Variants in TENM2 observed in about 807,000 individuals in gnomAD.
TENM2 encodes teneurin-2.
A neutral mutation model predicts 245.2 loss-of-function variants in TENM2; 52 were observed. The observed-to-expected ratio is 0.21, with a 90% CI of 0.17 to 0.27. TENM2 has a LOEUF of 0.27. TENM2 is among the 10% of genes least tolerant of loss of function. TENM2 has a pLI of 1.00. For missense variants in TENM2, 3,046 were observed against 3,666.8 expected (o/e 0.83, Z 4.37); for synonymous variants, 1,363 against 1,438.9 (o/e 0.95, Z 1.19).
chr5:167,898,362 G>A (rs776501513), intron 3 of TENM2, among the ~76,000 whole-genome samples: 24 of 152,056 alleles, frequency 1.6e-4, no homozygotes, highest in Non-Finnish European at 3.4e-4. Context: ...TCTAATATAT[G>A]CTAACGTCTG....
At chr5:167,485,603 G>A (rs969055753) in intron 2 of TENM2, among the ~76,000 whole-genome samples, 2 of 152,020 alleles carry the variant, frequency 1.3e-5, no homozygotes, top group South Asian at 2.1e-4. Flanking sequence ...ATATACCTTC[G>A]CTACTGAGAG....
At chr5:168,150,504 A>C (rs1480727332) in intron 12 of TENM2, among the ~76,000 whole-genome samples, 1 of 152,228 alleles carries the variant, frequency 6.6e-6, no homozygotes, top group African/African-American at 2.4e-5. Context: ...TCTCAGCTTT[A>C]GAAATCCCAT....
At chr5:168,195,095 G>A (rs1350390820) in intron 14 of TENM2, 81 bp from the exon 17 acceptor site, 7 of 1,505,742 alleles carry the variant, frequency 4.6e-6, no homozygotes, top group African/African-American at 1.4e-5. Flanking sequence ...GACCAGATGA[G>A]GATGAGGGAG....
the TENM2 span, among the ~76,000 whole-genome samples, chr5:167,157,633 C>T: frequency 6.6e-6 from 1 of 152,090 alleles, no homozygotes; most frequent in African/African-American, 2.4e-5. Flanking sequence ...ACACAAAAGG[C>T]CTGTAATTGT....
At chr5:167,335,291 G>A (rs1757691762) in intron 1 of TENM2, among the ~76,000 whole-genome samples, 1 of 152,138 alleles carries the variant, frequency 6.6e-6, no homozygotes, top group African/African-American at 2.4e-5. Flanking sequence ...TCACTGTTGT[G>A]AGGAAAGTAC....
chr5:168,088,487 C>T (rs1351839512), intron 7 of TENM2, among the ~76,000 whole-genome samples: 2 of 152,144 alleles, frequency 1.3e-5, no homozygotes, highest in African/African-American at 4.8e-5. Flanking sequence ...TAAGCAGCGG[C>T]CGTCACCAGC....
intron 6 of TENM2, among the ~76,000 whole-genome samples, chr5:168,053,643 T>A (rs1217250757): frequency 1.3e-5 from 2 of 152,200 alleles, no homozygotes; most frequent in South Asian, 2.1e-4. Context: ...TTATAAGTAA[T>A]CTAGAGATAA....
the TENM2 span, among the ~76,000 whole-genome samples, chr5:167,083,940 A>G: frequency 1.3e-5 from 2 of 152,150 alleles, no homozygotes; most frequent in Non-Finnish European, 2.9e-5. Flanking sequence ...AAGGATGTCA[A>G]GGTAAATATT....
chr5:168,049,022 C>T (rs752399937), intron 6 of TENM2, among the ~76,000 whole-genome samples: 19 of 152,194 alleles, frequency 1.2e-4, no homozygotes, highest in Non-Finnish European at 2.2e-4. Context: ...GAAACCTGGT[C>T]ACCTCCAGTA....
At chr5:167,686,201 T>G (rs1420860476) in intron 2 of TENM2, among the ~76,000 whole-genome samples, 1 of 152,198 alleles carries the variant, frequency 6.6e-6, no homozygotes, top group Non-Finnish European at 1.5e-5. Context: ...TTGAGAAGGA[T>G]AGGCTATTTC....
chr5:167,551,012 A>T (rs945042390), intron 2 of TENM2, among the ~76,000 whole-genome samples: 1 of 152,118 alleles, frequency 6.6e-6, no homozygotes, highest in African/African-American at 2.4e-5. Context: ...TACAGGCGTG[A>T]GCCACCATGC....
At chr5:168,159,623 G>A (rs1224483329) in intron 12 of TENM2, among the ~76,000 whole-genome samples, 1 of 152,208 alleles carries the variant, frequency 6.6e-6, no homozygotes, top group Non-Finnish European at 1.5e-5. Context: ...TTAGCTTGGG[G>A]TTGCCTAGCA....
chr5:167,528,857 C>A (rs962836657), intron 2 of TENM2, among the ~76,000 whole-genome samples: 10 of 152,102 alleles, frequency 6.6e-5, no homozygotes, highest in Non-Finnish European at 1.5e-4. Context: ...AAGACAGTAG[C>A]CCCCTGTTGG....
rs72645742 is a variant in TENM2, at chr5:167,312,664, T to C, written c.226+27601T>C. Among the ~76,000 whole-genome samples, 2,969 of 152,118 alleles carry C rather than the reference T, an allele frequency of 0.02. 207 individuals are homozygous for C. The East Asian group carries it at 0.23, about 12-fold the overall frequency. On this transcript the variant is annotated intron_variant, in intron 1 of 28. Coordinates refer to ENST00000518659, the Ensembl canonical transcript of TENM2. ...GGTCTTATGTGAAAATTAAACTCAGTGTGTTATAACATTTGCTACATAAAC... is the reference window on the plus strand; with the variant it reads ...GGTCTTATGTGAAAATTAAACTCAGCGTGTTATAACATTTGCTACATAAAC...
chr5:167,771,298 T>C (rs1379658836), intron 2 of TENM2, among the ~76,000 whole-genome samples: 1 of 152,180 alleles, frequency 6.6e-6, no homozygotes, highest in Non-Finnish European at 1.5e-5. Flanking sequence ...TTTTGAATCC[T>C]ACCTCAGCAG....
chr5:167,708,085 C>T (rs1414929091), intron 2 of TENM2, among the ~76,000 whole-genome samples: 5 of 152,090 alleles, frequency 3.3e-5, no homozygotes, highest in African/African-American at 4.8e-5. Context: ...ATAGACAAAT[C>T]GATCTTATCT....
chr5:168,134,971 G>C (rs1425220333), intron 12 of TENM2, among the ~76,000 whole-genome samples: 1 of 152,202 alleles, frequency 6.6e-6, no homozygotes, highest in African/African-American at 2.4e-5. Flanking sequence ...TGCCTAGCCA[G>C]CGTCTTAGAA....
At chr5:167,115,506 G>T in the TENM2 span, among the ~76,000 whole-genome samples, 1 of 152,064 alleles carries the variant, frequency 6.6e-6, no homozygotes, top group African/African-American at 2.4e-5. Context: ...GTAAGTTCAA[G>T]TATCACTAAA....
the TENM2 span, among the ~76,000 whole-genome samples, chr5:167,093,921 A>G: frequency 6.6e-6 from 1 of 152,188 alleles, no homozygotes; most frequent in Non-Finnish European, 1.5e-5. Context: ...AGCACACATC[A>G]AAAAGATGGC....
Sources: gnomAD v4.1 joint callset for allele counts (sites outside exome capture counted in the v4.1 genomes callset) on GRCh38, gnomAD v4.1.1 for gene constraint, MANE v1.5 for transcripts, NCBI Gene and HGNC (gene_info 2026-07-23, HGNC 2026-07-21) for gene names.